ROR2: variants seen among roughly 807,000 people sequenced by gnomAD.
ROR2 encodes tyrosine-protein kinase transmembrane receptor ROR2.
Under a neutral mutation model 74.9 loss-of-function variants are expected in ROR2, and 33 were observed. The ratio of observed to expected loss-of-function variants is 0.44; its 90% CI spans 0.33 to 0.59. The LOEUF is 0.59. Among genes scored for constraint, ROR2 ranks in the 20% least tolerant of loss-of-function variants. The probability of loss-of-function intolerance (pLI) is 0.02; values close to 1 mark genes in which losing one functional copy is unlikely to be tolerated. For missense variants in ROR2, 1,216 were observed against 1,313.8 expected (o/e 0.93, Z 1.15); for synonymous variants, 586 against 558.7 (o/e 1.05, Z -0.69).
chr9:91,726,586 C>A lies in ROR2; in HGVS notation c.1341G>T (p.Ser447=), dbSNP rs1039975547. The A allele has an allele frequency of 3.7e-6, 6 of 1,613,356 alleles. No individual in the cohort carries two copies. Among genetic ancestry groups the A allele is most frequent in the Non-Finnish European group, 5.1e-6 (6 of 1,180,024 alleles). The stretch of plus-strand genomic sequence containing the variant: ...GGGGCATTTCCATGTCTTGGCTGGG[C>A]GAGGCCATCAGCTGTCGCCGCTGCG... ...STPQRRQLMA[S]PSQDMEMPLI... is the part of the protein sequence containing the mutation. The change falls in exon 8 of 9, where the codon TCG becomes TCT. Residue 447 remains serine, a synonymous_variant. Transcript: ENST00000375708.
intron 2 of ROR2, among the ~76,000 whole-genome samples, chr9:91,772,980 T>G (rs1158975225): frequency 6.6e-6 from 1 of 152,222 alleles, no homozygotes; most frequent in Non-Finnish European, 1.5e-5. Context: ...AAATTTCATC[T>G]GATGGTCATT....
intron 1 of ROR2, among the ~76,000 whole-genome samples, chr9:91,802,727 G>T (rs1052658081): frequency 1.3e-5 from 2 of 152,166 alleles, no homozygotes; most frequent in South Asian, 2.1e-4. Flanking sequence ...GTGGCACGAG[G>T]TGCGCAGAAA....
chr9:91,850,087 C>G (rs1328098600), intron 1 of ROR2, among the ~76,000 whole-genome samples: 3 of 152,144 alleles, frequency 2.0e-5, no homozygotes, highest in Non-Finnish European at 4.4e-5. Context: ...AGGCAAATCC[C>G]AAGACACAGA....
chr9:91,860,259 C>T (rs1829431640), intron 1 of ROR2, among the ~76,000 whole-genome samples: 2 of 152,120 alleles, frequency 1.3e-5, no homozygotes, highest in South Asian at 2.1e-4. Context: ...CAGAGAAGCC[C>T]TCGGCAGCGC....
chr9:91,886,072 A>C (rs1830262358), intron 1 of ROR2, among the ~76,000 whole-genome samples: 2 of 151,710 alleles, frequency 1.3e-5, no homozygotes, highest in Admixed American at 1.3e-4. Flanking sequence ...ACGGGATTTC[A>C]CCATGTTGGT....
At chr9:91,734,185 G>A (rs1824940760) in intron 5 of ROR2, among the ~76,000 whole-genome samples, 1 of 152,174 alleles carries the variant, frequency 6.6e-6, no homozygotes, top group African/African-American at 2.4e-5. Flanking sequence ...TGCACCTGGG[G>A]TGCATGGCTG....
At chr9:91,938,685 C>T (rs1831768063) in intron 1 of ROR2, among the ~76,000 whole-genome samples, 1 of 152,268 alleles carries the variant, frequency 6.6e-6, no homozygotes, top group African/African-American at 2.4e-5. Context: ...AGCAGGAAGG[C>T]GAGAGTTTTT....
Position 91,943,364 on chromosome 9 carries a change from G to T in ROR2, c.97+6503C>A, listed in dbSNP as rs115210140. On this transcript the variant is annotated intron_variant, in intron 1 of 8. Transcript: ENST00000375708. ...GTGTAGAGTATGTTTTACAAATTAC[G>T]GTGCATAATTTAACATAATATATAC... Among the ~76,000 whole-genome samples, 435 of 151,588 alleles carry T rather than the reference G, an allele frequency of 2.9e-3. 1 individual carries two copies. The highest frequency in any genetic ancestry group is 1.0e-2 in the African/African-American group (412 of 41,332).
At position 91,775,761 on chromosome 9, in the gene ROR2, C is replaced by T. The variant is rs201425107; in HGVS notation, c.155G>A (p.Gly52Asp). 68 of 1,614,058 alleles carry T rather than the reference C, an allele frequency of 4.2e-5. No homozygotes were observed. The highest frequency in any genetic ancestry group is 4.2e-6 in the Non-Finnish European group (5 of 1,180,026). Residue 52 changes from glycine (G) to aspartate (D), a missense_variant, in exon 2 of 9, where the codon GGC becomes GAC. Gly to Asp is a moderately conservative substitution (Grantham distance 94). Coordinates refer to ENST00000375708, the MANE Select transcript of ROR2 (RefSeq NM_004560.4). ...DPLGPLDGQD[G>D]PIPTLKGYFL... ...CTCACCTTTCAGAGTTGGAATCGGG[C>T]CGTCCTGCCCATCAAGGGGTCCTAA...
At chr9:91,737,654 G>T in intron 4 of ROR2, 136 bp from the exon 5 acceptor site, 3 of 1,166,282 alleles carry the variant, frequency 2.6e-6, no homozygotes, top group South Asian at 2.7e-5. Flanking sequence ...TAAATAAGTA[G>T]AACACATAAG....
intron 1 of ROR2, among the ~76,000 whole-genome samples, chr9:91,947,251 T>C (rs1022589343): frequency 2.6e-5 from 4 of 152,214 alleles, no homozygotes; most frequent in African/African-American, 7.2e-5. Context: ...GCTTTACTAA[T>C]TAAAAGTTCA....
intron 1 of ROR2, among the ~76,000 whole-genome samples, chr9:91,867,119 T>A (rs1829657701): frequency 6.6e-6 from 1 of 152,224 alleles, no homozygotes; most frequent in Non-Finnish European, 1.5e-5. Context: ...CTTTAGGGAC[T>A]CCTTAGCATC....
At position 91,724,101 on chromosome 9, in the gene ROR2, T is replaced by G; in HGVS notation, c.2393A>C (p.Gln798Pro). The change falls in exon 9 of 9, where the codon CAG becomes CCG. Residue 798 changes from glutamine to proline, a missense_variant. Coordinates refer to ENST00000375708, the MANE Select transcript of ROR2 (RefSeq NM_004560.4). ...GCCCTTCATGGGGATGAACTGGGGC[T>G]GTGGGAAGGGCGGGGCCTTCTGCTT... ...GPKQKAPPFP[Q>P]PQFIPMKGQI... 1 of 1,611,170 alleles carries G rather than the reference T, an allele frequency of 6.2e-7. No homozygotes were observed. Among genetic ancestry groups the G allele is most frequent in the Non-Finnish European group, 8.5e-7 (1 of 1,179,908 alleles).
chr9:91,897,258 A>G (rs1198150054), intron 1 of ROR2, among the ~76,000 whole-genome samples: 1 of 152,240 alleles, frequency 6.6e-6, no homozygotes, highest in Non-Finnish European at 1.5e-5. Context: ...AACTTATACA[A>G]TTTAATTTTC....
intron 1 of ROR2, among the ~76,000 whole-genome samples, chr9:91,817,979 G>A (rs968967976): frequency 4.6e-5 from 7 of 152,134 alleles, no homozygotes; most frequent in South Asian, 2.1e-4. Flanking sequence ...GCTCTGGTCC[G>A]CAATGCAACT....
intron 1 of ROR2, among the ~76,000 whole-genome samples, chr9:91,842,706 G>A (rs1012998250): frequency 1.3e-5 from 2 of 152,250 alleles, no homozygotes; most frequent in African/African-American, 4.8e-5. Flanking sequence ...GAATCAGAGG[G>A]CAGCAGGCAG....
At chr9:91,755,927 G>C in intron 4 of ROR2, 144 bp downstream of exon 4, 3 of 802,938 alleles carry the variant, frequency 3.7e-6, no homozygotes, top group Non-Finnish European at 6.6e-6. Flanking sequence ...CCCTAAGCAA[G>C]CACGTGGCCA....
intron 1 of ROR2, among the ~76,000 whole-genome samples, chr9:91,920,654 C>T (rs958549408): frequency 2.0e-5 from 3 of 152,162 alleles, no homozygotes; most frequent in Non-Finnish European, 4.4e-5. Flanking sequence ...TCAGGTGCTT[C>T]CAGGCACTTG....
intron 4 of ROR2, among the ~76,000 whole-genome samples, chr9:91,749,990 C>A (rs1825550672): frequency 6.6e-6 from 1 of 152,196 alleles, no homozygotes; most frequent in South Asian, 2.1e-4. Flanking sequence ...CAACCTCCGC[C>A]TCCCAGGTTC....
Sources: gnomAD v4.1 joint callset for allele counts (sites outside exome capture counted in the v4.1 genomes callset) on GRCh38, gnomAD v4.1.1 for gene constraint, MANE v1.5 for transcripts, NCBI Gene and HGNC (gene_info 2026-07-23, HGNC 2026-07-21) for gene names.